FRMD4A: variants seen among roughly 807,000 people sequenced by gnomAD.
FRMD4A encodes the protein FERM domain containing 4A, also known as FERM domain-containing protein 4A.
FRMD4A carries 29 observed loss-of-function variants against 129.1 expected under a neutral mutation model. That is an observed-to-expected ratio of 0.22 (90% CI 0.17 to 0.31). FRMD4A has a LOEUF of 0.31. Among genes scored for constraint, FRMD4A ranks in the 10% least tolerant of loss-of-function variants. The pLI is 1.00. For synonymous variants in FRMD4A, 634 were observed against 571.6 expected, an observed-to-expected ratio of 1.11 and a Z score of -1.56; for missense variants, 1,272 against 1,375.8, an observed-to-expected ratio of 0.92 and a Z score of 1.19.
At chr10:13,770,837 G>A (rs888738247) in intron 6 of FRMD4A, among the ~76,000 whole-genome samples, 8 of 152,158 alleles carry the variant, frequency 5.3e-5, no homozygotes, top group Non-Finnish European at 8.8e-5. Flanking sequence ...GTACCTGTCT[G>A]TCCTTCTCTC....
intron 15 of FRMD4A, among the ~76,000 whole-genome samples, chr10:13,688,034 A>T (rs11258524): frequency 0.16 from 24,788 of 152,188 alleles, 2,723 homozygotes; most frequent in Non-Finnish European, 0.24. Flanking sequence ...CTCAAGCCTT[A>T]ACCAATCACT....
intron 2 of FRMD4A, among the ~76,000 whole-genome samples, chr10:14,078,796 A>G (rs142910519): frequency 1.3e-5 from 2 of 152,146 alleles, no homozygotes; most frequent in Admixed American, 6.5e-5. Context: ...CCCTTCTACT[A>G]TGTCAACCTC....
At chr10:14,121,010 G>T (rs1233548712) in intron 2 of FRMD4A, among the ~76,000 whole-genome samples, 1 of 152,162 alleles carries the variant, frequency 6.6e-6, no homozygotes, top group African/African-American at 2.4e-5. Flanking sequence ...AGATCAGTAT[G>T]CCTCACCCTG....
intron 15 of FRMD4A, among the ~76,000 whole-genome samples, chr10:13,689,724 A>T (rs11598761): frequency 3.3e-5 from 5 of 151,376 alleles, no homozygotes; most frequent in African/African-American, 1.2e-4. Flanking sequence ...AGCTATATTA[A>T]GAAGATTTTT....
Position 13,760,920 on chromosome 10 carries a change from C to T in FRMD4A, c.464+727G>A, listed in dbSNP as rs1039201727. Among the ~76,000 whole-genome samples, 6 of 146,566 alleles carry T rather than the reference C, an allele frequency of 4.1e-5. No homozygotes were observed. The East Asian group carries it at 8.9e-4, about 22-fold the overall frequency. ...TGATCAAACAGAATCCCAGGAATAACGACTATCTTTGAGCAGATAGTCCTG... is the reference window on the plus strand; with the variant it reads ...TGATCAAACAGAATCCCAGGAATAATGACTATCTTTGAGCAGATAGTCCTG... On this transcript the variant is annotated intron_variant, in intron 8 of 24. Transcript: ENST00000357447.
chr10:13,790,536 G>C (rs1325285600), intron 5 of FRMD4A, among the ~76,000 whole-genome samples: 1 of 152,168 alleles, frequency 6.6e-6, no homozygotes, highest in Non-Finnish European at 1.5e-5. Flanking sequence ...CCCGAGCCAG[G>C]GACAGAGGGG....
chr10:14,319,606 T>A (rs996943656), intron 2 of FRMD4A, among the ~76,000 whole-genome samples: 1 of 152,284 alleles, frequency 6.6e-6, no homozygotes, highest in East Asian at 1.9e-4. Flanking sequence ...CGAGGGAACA[T>A]TGATTGGGTA....
chr10:13,874,315 A>G (rs781029645), intron 2 of FRMD4A, among the ~76,000 whole-genome samples: 6 of 151,788 alleles, frequency 4.0e-5, no homozygotes, highest in Non-Finnish European at 8.8e-5. Flanking sequence ...ACTCTTCTCA[A>G]TCAAGAGGGA....
At chr10:13,998,824 G>T (rs1588716001) in intron 2 of FRMD4A, among the ~76,000 whole-genome samples, 3 of 152,148 alleles carry the variant, frequency 2.0e-5, no homozygotes, top group East Asian at 3.9e-4. Context: ...GTAACCTCAT[G>T]CAACACCCTG....
At chr10:14,137,183 T>C (rs909052444) in intron 2 of FRMD4A, among the ~76,000 whole-genome samples, 11 of 152,242 alleles carry the variant, frequency 7.2e-5, no homozygotes, top group Non-Finnish European at 1.5e-5. Flanking sequence ...TTTGCCTCCC[T>C]TCCACTGGAA....
At chr10:13,894,855 C>A (rs2094739854) in intron 2 of FRMD4A, among the ~76,000 whole-genome samples, 1 of 152,190 alleles carries the variant, frequency 6.6e-6, no homozygotes, top group Admixed American at 6.5e-5. Context: ...GTGAAGGGCA[C>A]AGACTGAAGC....
At chr10:13,670,679 A>G (rs74535305) in intron 16 of FRMD4A, 151 bp from the exon 17 acceptor site, 70,300 of 640,506 alleles carry the variant, frequency 0.11, 4,325 homozygotes, top group Non-Finnish European at 0.12. Flanking sequence ...TGTTCACATT[A>G]AGCACTATGC....
At chr10:14,180,015 C>T (rs1841859138) in intron 2 of FRMD4A, among the ~76,000 whole-genome samples, 1 of 152,120 alleles carries the variant, frequency 6.6e-6, no homozygotes, top group South Asian at 2.1e-4. Context: ...GCCTGGGCTA[C>T]AGAGAGCAAG....
At chr10:14,226,527 C>A (rs1190047327) in intron 2 of FRMD4A, among the ~76,000 whole-genome samples, 1 of 152,158 alleles carries the variant, frequency 6.6e-6, no homozygotes, top group East Asian at 1.9e-4. Flanking sequence ...TTGGTTCCTT[C>A]CGGGCGCCAT....
Position 14,137,755 on chromosome 10 carries a change from T to A in FRMD4A, c.45+192303A>T, listed in dbSNP as rs562351538. On this transcript the variant is annotated intron_variant, in intron 2 of 24. Coordinates refer to ENST00000357447, the MANE Select transcript of FRMD4A (RefSeq NM_018027.5). ...TATATGTTTTTCCCACCTGTTAATATGCAATGGCACTCCCTGCCCTCCTTT... is the reference window on the plus strand; with the variant it reads ...TATATGTTTTTCCCACCTGTTAATAAGCAATGGCACTCCCTGCCCTCCTTT... Among the ~76,000 whole-genome samples, 23 of 152,348 alleles carry A rather than the reference T, an allele frequency of 1.5e-4. No homozygotes were observed. In the South Asian group the frequency reaches 4.8e-3, roughly 32 times the overall value.
chr10:14,210,476 C>A (rs1266929059), intron 2 of FRMD4A, among the ~76,000 whole-genome samples: 1 of 152,168 alleles, frequency 6.6e-6, no homozygotes, highest in Non-Finnish European at 1.5e-5. Context: ...TCCAGAGGTC[C>A]TGGAATGAGG....
intron 2 of FRMD4A, among the ~76,000 whole-genome samples, chr10:14,100,230 A>C (rs1233545887): frequency 6.6e-6 from 1 of 152,248 alleles, no homozygotes; most frequent in East Asian, 1.9e-4. Context: ...GTGAAAGGAA[A>C]CGTCTCCATT....
intron 6 of FRMD4A, among the ~76,000 whole-genome samples, chr10:13,774,383 C>T (rs1659673602): frequency 6.6e-6 from 1 of 152,140 alleles, no homozygotes; most frequent in Non-Finnish European, 1.5e-5. Context: ...AAGCCAAACA[C>T]CTTTCCTCGC....
chr10:14,159,556 CA>C (rs1284457092), intron 2 of FRMD4A, among the ~76,000 whole-genome samples: 1 of 152,126 alleles, frequency 6.6e-6, no homozygotes, highest in Non-Finnish European at 1.5e-5. Flanking sequence ...TGCTACTACC[CA>C]AAGCAATCTA....
Sources: gnomAD v4.1 joint callset for allele counts (sites outside exome capture counted in the v4.1 genomes callset) on GRCh38, gnomAD v4.1.1 for gene constraint, MANE v1.5 for transcripts, NCBI Gene and HGNC (gene_info 2026-07-23, HGNC 2026-07-21) for gene names.